Variants in CNTN4 observed in about 807,000 individuals in gnomAD.
CNTN4 encodes the protein contactin 4.
Under a neutral mutation model 122.5 loss-of-function variants are expected in CNTN4, and 77 were observed. That is an observed-to-expected ratio of 0.63 (90% CI 0.52 to 0.76). The LOEUF is 0.76. CNTN4 is among the 30% of genes least tolerant of loss of function. The pLI is 0.00. For synonymous variants in CNTN4, 512 were observed against 447.0 expected, an observed-to-expected ratio of 1.15 and a Z score of -1.83; for missense variants, 1,256 against 1,259.1, an observed-to-expected ratio of 1.00 and a Z score of 0.04.
intron 3 of CNTN4, among the ~76,000 whole-genome samples, chr3:2,566,314 A>G (rs2079156851): frequency 6.6e-6 from 1 of 152,208 alleles, no homozygotes; most frequent in African/African-American, 2.4e-5. Context: ...ATTTCTAGAT[A>G]TTTAACCTTG....
chr3:2,268,357 A>G (rs2041138984), intron 2 of CNTN4, among the ~76,000 whole-genome samples: 1 of 151,992 alleles, frequency 6.6e-6, no homozygotes, highest in East Asian at 1.9e-4. Flanking sequence ...AATATCTAGT[A>G]TTTACATGCG....
At chr3:2,612,307 C>A (rs1297565730) in intron 4 of CNTN4, among the ~76,000 whole-genome samples, 1 of 152,124 alleles carries the variant, frequency 6.6e-6, no homozygotes, top group African/African-American at 2.4e-5. Flanking sequence ...ACCTAGCCTA[C>A]ATTGGTCAAA....
chr3:2,400,404 AATATATATATATATATATATATACATAT>A (rs1169732204), intron 3 of CNTN4, among the ~76,000 whole-genome samples: 6 of 91,438 alleles, frequency 6.6e-5, no homozygotes, highest in East Asian at 2.6e-4. Flanking sequence ...TATGTGTGTG[AATATATATATATATATATATATACATAT>A]ATATATATAT....
intron 6 of CNTN4, among the ~76,000 whole-genome samples, chr3:2,776,891 C>T (rs1170877912): frequency 6.6e-6 from 1 of 152,138 alleles, no homozygotes; most frequent in Non-Finnish European, 1.5e-5. Context: ...GATGCAGAGA[C>T]TCTGTGTGAG....
At chr3:2,979,810 A>G (rs1166325234) in intron 13 of CNTN4, among the ~76,000 whole-genome samples, 1 of 152,134 alleles carries the variant, frequency 6.6e-6, no homozygotes, top group Non-Finnish European at 1.5e-5. Context: ...TGTATTCTGA[A>G]GGGATTTATT....
intron 6 of CNTN4, among the ~76,000 whole-genome samples, chr3:2,793,532 T>C (rs1227488817): frequency 1.3e-5 from 2 of 152,152 alleles, no homozygotes; most frequent in Non-Finnish European, 2.9e-5. Flanking sequence ...TTTGGTTTAA[T>C]GAAAGAGCAT....
chr3:2,976,434 A>C (rs1003893474), intron 13 of CNTN4, among the ~76,000 whole-genome samples: 11 of 152,148 alleles, frequency 7.2e-5, no homozygotes, highest in African/African-American at 2.7e-4. Context: ...TATTAAACCC[A>C]AATCTTACAA....
rs923719497 is a variant in CNTN4 at position 2,271,373 on chromosome 3, A to G, written c.-144-67805A>G. ...CTTGAAGGAACCTCAAATTTTGTGA[A>G]TGTGCTTATTATTTTAAAGATAATT... On this transcript the variant is annotated intron_variant, in intron 2 of 24. Transcript: ENST00000418658. Among the ~76,000 whole-genome samples the G allele has an allele frequency of 2.6e-5, 4 of 152,114 alleles. 1 individual carries two copies. Among genetic ancestry groups the G allele is most frequent in the South Asian group, 4.1e-4 (2 of 4,830 alleles).
At chr3:2,962,525 G>A (rs1453921616) in intron 13 of CNTN4, among the ~76,000 whole-genome samples, 1 of 152,206 alleles carries the variant, frequency 6.6e-6, no homozygotes, top group Non-Finnish European at 1.5e-5. Flanking sequence ...GAAACTAAAT[G>A]AATCTAAGGT....
intron 4 of CNTN4, among the ~76,000 whole-genome samples, chr3:2,670,999 G>A (rs1323971522): frequency 2.0e-5 from 3 of 152,150 alleles, no homozygotes; most frequent in Non-Finnish European, 4.4e-5. Context: ...TGGGTAACCC[G>A]ACCTTTCTCT....
chr3:2,349,254 A>G (rs2044517065), intron 3 of CNTN4, among the ~76,000 whole-genome samples: 1 of 151,710 alleles, frequency 6.6e-6, no homozygotes, highest in Non-Finnish European at 1.5e-5. Context: ...TTTTTTTTTC[A>G]CATGACCTTC....
intron 4 of CNTN4, among the ~76,000 whole-genome samples, chr3:2,729,181 C>G (rs1040379019): frequency 2.0e-5 from 3 of 152,188 alleles, no homozygotes; most frequent in African/African-American, 7.2e-5. Context: ...GAAATGTGGC[C>G]TTCATCCCAC....
At chr3:2,874,180 T>C (rs1209430998) in intron 8 of CNTN4, among the ~76,000 whole-genome samples, 1 of 152,216 alleles carries the variant, frequency 6.6e-6, no homozygotes, top group Admixed American at 6.5e-5. Context: ...CAATTCCATT[T>C]CAGGTCCATG....
Position 2,533,397 on chromosome 3 carries a change from C to T in CNTN4, c.-88-38019C>T, listed in dbSNP as rs1231861594. On this transcript the variant is annotated intron_variant, in intron 3 of 24. Transcript: ENST00000418658. ...GAACATGCAGTGTTTGATTTTTTGTCCTTGCGATAGTTTGCTGAGAATGAT... is the reference window on the plus strand; with the variant it reads ...GAACATGCAGTGTTTGATTTTTTGTTCTTGCGATAGTTTGCTGAGAATGAT... 2.6e-5 allele frequency among the ~76,000 whole-genome samples: 4 copies of T among 151,774 alleles called. No homozygotes were observed. In the East Asian group the frequency reaches 7.8e-4, roughly 30 times the overall value.
intron 23 of CNTN4, among the ~76,000 whole-genome samples, chr3:3,050,789 G>C (rs1374107321): frequency 2.2e-5 from 2 of 92,196 alleles, no homozygotes; most frequent in East Asian, 4.1e-4. Flanking sequence ...AAAAATCCAG[G>C]CTCTGGAGCC....
At chr3:2,235,753 A>G (rs568603660) in intron 2 of CNTN4, among the ~76,000 whole-genome samples, 5 of 152,326 alleles carry the variant, frequency 3.3e-5, no homozygotes, top group African/African-American at 1.2e-4. Flanking sequence ...TCTTGGGCTA[A>G]TTCATTTCTT....
intron 6 of CNTN4, among the ~76,000 whole-genome samples, chr3:2,798,807 A>G (rs776312723): frequency 3.3e-5 from 5 of 152,150 alleles, no homozygotes; most frequent in Non-Finnish European, 7.3e-5. Flanking sequence ...CACTGCACCC[A>G]GCTGGTATCC....
At chr3:2,158,469 T>G (rs1559296559) in intron 2 of CNTN4, among the ~76,000 whole-genome samples, 2 of 152,192 alleles carry the variant, frequency 1.3e-5, no homozygotes, top group African/African-American at 2.4e-5. Flanking sequence ...GCTGCTGCAA[T>G]AAAGACAACC....
chr3:2,424,701 A>G (rs529826982), intron 3 of CNTN4, among the ~76,000 whole-genome samples: 13 of 152,212 alleles, frequency 8.5e-5, no homozygotes, highest in African/African-American at 2.6e-4. Flanking sequence ...AAGTGTTCCT[A>G]TTTCTCCACA....
Sources: gnomAD v4.1 joint callset for allele counts (sites outside exome capture counted in the v4.1 genomes callset) on GRCh38, gnomAD v4.1.1 for gene constraint, MANE v1.5 for transcripts, NCBI Gene and HGNC (gene_info 2026-07-23, HGNC 2026-07-21) for gene names.